Variants in DNAAF11 observed in about 807,000 individuals in gnomAD.
The protein encoded by DNAAF11 is leucine rich repeat containing 6.
In DNAAF11, 45 loss-of-function variants were observed where a neutral mutation model predicts 60.8. The ratio of observed to expected loss-of-function variants is 0.74; its 90% CI spans 0.58 to 0.95. The LOEUF (loss-of-function observed/expected upper bound fraction) is 0.95. Among genes scored for constraint, DNAAF11 ranks in the 40% least tolerant of loss-of-function variants. The probability of loss-of-function intolerance (pLI) is 0.00; values close to 1 mark genes in which losing one functional copy is unlikely to be tolerated. For synonymous variants in DNAAF11, 191 were observed against 183.5 expected, an observed-to-expected ratio of 1.04 and a Z score of -0.33; for missense variants, 546 against 546.2, an observed-to-expected ratio of 1.00 and a Z score of 0.00.
At chr8:132,580,370 A>G (rs1815202016) in intron 11 of DNAAF11, among the ~76,000 whole-genome samples, 1 of 152,242 alleles carries the variant, frequency 6.6e-6, no homozygotes, top group African/African-American at 2.4e-5. Context: ...AGAAAATCTA[A>G]AAGAACCCAC....
intron 6 of DNAAF11, among the ~76,000 whole-genome samples, 166 bp downstream of exon 6, chr8:132,625,106 T>C (rs1265637255): frequency 6.6e-6 from 1 of 152,156 alleles, no homozygotes; most frequent in South Asian, 2.1e-4. Context: ...TTGATATTAA[T>C]GAATGTTAGC....
intron 1 of DNAAF11, among the ~76,000 whole-genome samples, chr8:132,662,564 C>T (rs1824242584): frequency 6.6e-6 from 1 of 152,124 alleles, no homozygotes; most frequent in Non-Finnish European, 1.5e-5. Flanking sequence ...TTACAAGGTG[C>T]CAGGTAGTAT....
chr8:132,571,135 T>G lies in DNAAF11; in HGVS notation c.*1171A>C, dbSNP rs2130920085. Among the ~76,000 whole-genome samples, 1 of 152,294 alleles carries G rather than the reference T, an allele frequency of 6.6e-6. No individual in the cohort carries two copies. The highest frequency in any genetic ancestry group is 2.1e-4 in the South Asian group (1 of 4,824). On this transcript the variant is annotated 3_prime_UTR_variant, in exon 12 of 12. Coordinates refer to ENST00000620350, the MANE Select transcript of DNAAF11 (RefSeq NM_012472.6). ...GCAGAGTCTTCCACTGGAAGCCTGT[T>G]TAATAGAGAAAGGCCCTGTCTGAAA...
intron 5 of DNAAF11, among the ~76,000 whole-genome samples, chr8:132,630,060 C>G (rs1820651226): frequency 6.6e-6 from 1 of 152,200 alleles, no homozygotes; most frequent in African/African-American, 2.4e-5. Context: ...AAGATGTCAA[C>G]TTTCCCTCAA....
At position 132,571,239 on chromosome 8, in the gene DNAAF11, T is replaced by C. The variant is rs967518143; in HGVS notation, c.*1067A>G. Among the ~76,000 whole-genome samples, 3 of 152,230 alleles carry C rather than the reference T, an allele frequency of 2.0e-5. No individual in the cohort carries two copies. Among genetic ancestry groups the C allele is most frequent in the Non-Finnish European group, 4.4e-5 (3 of 68,034 alleles). ...CACCACCTGACATAGTCTGTGTGTA[T>C]GTATTTGTCTGCTTTGTTACTACTA... On this transcript the variant is annotated 3_prime_UTR_variant, in exon 12 of 12. Coordinates refer to ENST00000620350, the MANE Select transcript of DNAAF11 (RefSeq NM_012472.6).
chr8:132,680,393 T>A (rs182793750), upstream of DNAAF11, among the ~76,000 whole-genome samples: 30 of 152,306 alleles, frequency 2.0e-4, 1 homozygote, highest in East Asian at 4.8e-3. Flanking sequence ...GCTTTTTTTT[T>A]ATTCCAGTAA....
chr8:132,654,698 C>CA (rs34749688), intron 3 of DNAAF11, among the ~76,000 whole-genome samples: 3,878 of 133,950 alleles, frequency 0.029, 54 homozygotes, highest in Non-Finnish European at 0.032. Context: ...AAAAAAATTG[C>CA]AAAAAAAAAA....
chr8:132,592,231 G>C (rs911119832), intron 10 of DNAAF11, among the ~76,000 whole-genome samples: 8 of 152,122 alleles, frequency 5.3e-5, no homozygotes, highest in African/African-American at 1.9e-4. Flanking sequence ...ACAGCTTTAG[G>C]GCAGTGAGAT....
chr8:132,585,016 T>C (rs4142831), intron 10 of DNAAF11, among the ~76,000 whole-genome samples: 20,068 of 152,218 alleles, frequency 0.13, 1,804 homozygotes, highest in African/African-American at 0.25. Context: ...ATCATATTAA[T>C]ACATGGGGTA....
intron 11 of DNAAF11, among the ~76,000 whole-genome samples, chr8:132,583,070 G>A (rs1395963280): frequency 6.6e-6 from 1 of 152,172 alleles, no homozygotes; most frequent in Non-Finnish European, 1.5e-5. Flanking sequence ...AACAGTAGAG[G>A]ATACCAAGAA....
At chr8:132,622,136 G>A (rs1819823635) in intron 7 of DNAAF11, among the ~76,000 whole-genome samples, 1 of 152,128 alleles carries the variant, frequency 6.6e-6, no homozygotes, top group Non-Finnish European at 1.5e-5. Context: ...TCCAGTTTGA[G>A]TATCCATCCT....
At chr8:132,574,771 A>T (rs1814568229) in intron 11 of DNAAF11, among the ~76,000 whole-genome samples, 1 of 152,124 alleles carries the variant, frequency 6.6e-6, no homozygotes, top group Non-Finnish European at 1.5e-5. Flanking sequence ...TAAGGCCTTT[A>T]CTTGTGTCAT....
intron 10 of DNAAF11, among the ~76,000 whole-genome samples, chr8:132,585,651 C>G (rs1161724770): frequency 6.6e-6 from 1 of 152,192 alleles, no homozygotes; most frequent in Non-Finnish European, 1.5e-5. Context: ...TAGAAGTATG[C>G]TATGGAAGAA....
At chr8:132,576,081 G>C (rs1176991662) in intron 11 of DNAAF11, among the ~76,000 whole-genome samples, 1 of 152,198 alleles carries the variant, frequency 6.6e-6, no homozygotes, top group African/African-American at 2.4e-5. Flanking sequence ...GAAAGTTAGA[G>C]ACTGATTTCT....
chr8:132,627,075 G>A (rs573450825), intron 5 of DNAAF11, among the ~76,000 whole-genome samples: 1 of 152,192 alleles, frequency 6.6e-6, no homozygotes, highest in Admixed American at 6.5e-5. Context: ...GCAAATTGCT[G>A]AAAATAAATA....
At chr8:132,591,361 C>T (rs889174250) in intron 10 of DNAAF11, among the ~76,000 whole-genome samples, 2 of 151,782 alleles carry the variant, frequency 1.3e-5, no homozygotes, top group South Asian at 4.2e-4. Flanking sequence ...TTACTTAATA[C>T]TTTTGGATTC....
chr8:132,690,039 T>A, the DNAAF11 span, among the ~76,000 whole-genome samples: 1 of 152,238 alleles, frequency 6.6e-6, no homozygotes, highest in South Asian at 2.1e-4. Flanking sequence ...CTGCTTAATA[T>A]GCATTAGTTT....
intron 3 of DNAAF11, chr8:132,643,367 G>A (rs960763654): frequency 3.5e-6 from 1 of 287,932 alleles, no homozygotes; most frequent in Non-Finnish European, 7.0e-6. Context: ...TGTAGCCCAG[G>A]ACTGACCTGC....
rs187898378 is a variant in DNAAF11 at position 132,620,894 on chromosome 8, G to A, written c.914+1717C>T. Reference sequence around the variant, plus strand: ...AAATGAAATCGTGTGGCTGAGCTGAGCTGGAGAAGTGAGCCGGTTGGGGAA... The same window carrying A: ...AAATGAAATCGTGTGGCTGAGCTGAACTGGAGAAGTGAGCCGGTTGGGGAA... On this transcript the variant is annotated intron_variant, in intron 7 of 11. Transcript: ENST00000620350. Among the ~76,000 whole-genome samples the A allele has an allele frequency of 3.1e-3, 473 of 152,300 alleles. 1 individual carries two copies. The highest frequency in any genetic ancestry group is 1.0e-2 in the African/African-American group (414 of 41,562).
Sources: gnomAD v4.1 joint callset for allele counts (sites outside exome capture counted in the v4.1 genomes callset) on GRCh38, gnomAD v4.1.1 for gene constraint, MANE v1.5 for transcripts, NCBI Gene and HGNC (gene_info 2026-07-23, HGNC 2026-07-21) for gene names.